Variants in GREM2 observed in about 807,000 individuals in gnomAD.
GREM2 encodes gremlin-2.
In GREM2, 11 loss-of-function variants were observed where a neutral mutation model predicts 14.2. That is an observed-to-expected ratio of 0.78 (90% confidence interval 0.49 to 1.28). The LOEUF is 1.28. Ranked by LOEUF, GREM2 falls within the 50% of genes most tolerant of loss-of-function variation. GREM2 has a pLI of 0.00. For synonymous variants in GREM2, 98 were observed against 97.6 expected, an observed-to-expected ratio of 1.00 and a Z score of -0.02; for missense variants, 210 against 218.5, an observed-to-expected ratio of 0.96 and a Z score of 0.24.
intron 1 of GREM2, among the ~76,000 whole-genome samples, chr1:240,547,764 G>A (rs1678770169): frequency 6.6e-6 from 1 of 151,858 alleles, no homozygotes; most frequent in African/African-American, 2.4e-5. Context: ...GGAAATCTGG[G>A]AACAGAAATA....
chr1:240,532,781 A>G (rs1251671689), intron 1 of GREM2, among the ~76,000 whole-genome samples: 5 of 152,176 alleles, frequency 3.3e-5, no homozygotes, highest in African/African-American at 1.2e-4. Flanking sequence ...GTCTCTATCT[A>G]AATATAGTTA....
chr1:240,611,591 TGAC>T (rs981176192), intron 1 of GREM2, among the ~76,000 whole-genome samples: 1 of 152,112 alleles, frequency 6.6e-6, no homozygotes. Context: ...ATTGGTGGGA[TGAC>T]AACATATTGG....
intron 1 of GREM2, chr1:240,590,633 T>G (rs2102863562): frequency 6.6e-6 from 1 of 152,142 alleles, no homozygotes; most frequent in South Asian, 2.1e-4. Flanking sequence ...TTCACCATGT[T>G]GGGCAGGTGA....
rs34371792 is a variant in GREM2, at chr1:240,510,232, T to A, written c.-1-16756A>T. On this transcript the variant is annotated intron_variant, in intron 1 of 1. Coordinates refer to ENST00000318160, the MANE Select transcript of GREM2 (RefSeq NM_022469.4). ...AAAATACAAAGAAATGAGCCGGGCG[T>A]GGTGGCGGGCGCCTGTAGTCCCAGC... is the stretch of plus-strand genomic sequence containing the variant. Among the ~76,000 whole-genome samples the A allele has an allele frequency of 5.8e-3, 877 of 151,012 alleles. 9 individuals carry two copies. Among genetic ancestry groups the A allele is most frequent in the Non-Finnish European group, 9.5e-3 (644 of 67,740 alleles).
intron 1 of GREM2, among the ~76,000 whole-genome samples, chr1:240,519,815 T>C (rs1430020145): frequency 6.6e-6 from 1 of 152,142 alleles, no homozygotes; most frequent in Non-Finnish European, 1.5e-5. Context: ...GAGCGGTGGC[T>C]CACGCCTGTA....
chr1:240,592,811 A>G (rs1679737308), intron 1 of GREM2, among the ~76,000 whole-genome samples: 1 of 151,994 alleles, frequency 6.6e-6, no homozygotes, highest in Admixed American at 6.6e-5. Flanking sequence ...GAATGTCTCC[A>G]CTTTGCCTCT....
At chr1:240,520,365 C>T (rs1678056640) in intron 1 of GREM2, among the ~76,000 whole-genome samples, 1 of 152,106 alleles carries the variant, frequency 6.6e-6, no homozygotes, top group South Asian at 2.1e-4. Context: ...CAAATAACCA[C>T]CTCAACCTTT....
At chr1:240,565,525 G>A (rs1033457040) in intron 1 of GREM2, among the ~76,000 whole-genome samples, 8 of 152,000 alleles carry the variant, frequency 5.3e-5, no homozygotes, top group Non-Finnish European at 1.2e-4. Context: ...TTGGTCTGTT[G>A]GGTACGATCA....
intron 1 of GREM2, among the ~76,000 whole-genome samples, chr1:240,567,629 A>G (rs1036738052): frequency 1.3e-5 from 2 of 152,222 alleles, no homozygotes; most frequent in African/African-American, 2.4e-5. Context: ...GAATTCATCA[A>G]TAGTAGACTC....
intron 1 of GREM2, among the ~76,000 whole-genome samples, chr1:240,510,368 GCAAAAAAAAAAAA>G (rs1412206993): frequency 6.4e-5 from 1 of 15,574 alleles, no homozygotes; most frequent in African/African-American, 2.4e-4. Flanking sequence ...AGACTCCGTC[GCAAAAAAAAAAAA>G]AAAAAAAAAA....
intron 1 of GREM2, among the ~76,000 whole-genome samples, chr1:240,544,240 T>C (rs1055718104): frequency 5.3e-5 from 8 of 151,290 alleles, no homozygotes; most frequent in Non-Finnish European, 7.4e-5. Flanking sequence ...TTCCGCCTCC[T>C]GGGTTCACGC....
At chr1:240,500,497 G>GT (rs201478777) in intron 1 of GREM2, among the ~76,000 whole-genome samples, 5,005 of 152,054 alleles carry the variant, frequency 0.033, 118 homozygotes, top group South Asian at 0.095. Flanking sequence ...TAGAGACAAG[G>GT]TTTCACCGTG....
intron 1 of GREM2, among the ~76,000 whole-genome samples, chr1:240,498,544 C>T (rs1677485932): frequency 6.6e-6 from 1 of 152,156 alleles, no homozygotes; most frequent in African/African-American, 2.4e-5. Flanking sequence ...CACTGCTGGC[C>T]CTTGGCTGTG....
intron 1 of GREM2, among the ~76,000 whole-genome samples, chr1:240,561,178 G>A (rs1042457474): frequency 6.6e-6 from 1 of 152,056 alleles, no homozygotes; most frequent in Non-Finnish European, 1.5e-5. Context: ...CTTGTGGTTT[G>A]TGAACCACTA....
chr1:240,606,704 G>A (rs556361380), intron 1 of GREM2, among the ~76,000 whole-genome samples: 51 of 146,770 alleles, frequency 3.5e-4, no homozygotes, highest in African/African-American at 1.3e-3. Context: ...TTGAGGTGGA[G>A]TTTCGCTCCT....
chr1:240,605,300 T>C (rs1680003147), intron 1 of GREM2, among the ~76,000 whole-genome samples: 1 of 152,058 alleles, frequency 6.6e-6, no homozygotes, highest in Non-Finnish European at 1.5e-5. Context: ...GAACAAGCAT[T>C]CCAAACATCT....
At chr1:240,509,280 C>A (rs900111110) in intron 1 of GREM2, among the ~76,000 whole-genome samples, 1 of 151,830 alleles carries the variant, frequency 6.6e-6, no homozygotes, top group Non-Finnish European at 1.5e-5. Context: ...GAACCAGGGA[C>A]CTGGCTCACT....
At chr1:240,604,136 G>A (rs1223590687) in intron 1 of GREM2, among the ~76,000 whole-genome samples, 1 of 151,902 alleles carries the variant, frequency 6.6e-6, no homozygotes, top group African/African-American at 2.4e-5. Context: ...AATGCACTGA[G>A]GGAGAACCCA....
chr1:240,511,781 C>T (rs1367198639), intron 1 of GREM2, among the ~76,000 whole-genome samples: 2 of 152,086 alleles, frequency 1.3e-5, no homozygotes, highest in Admixed American at 6.6e-5. Context: ...GGGACTTGAG[C>T]GTCCGTGGAT....
Sources: gnomAD v4.1 joint callset for allele counts (sites outside exome capture counted in the v4.1 genomes callset) on GRCh38, gnomAD v4.1.1 for gene constraint, MANE v1.5 for transcripts, NCBI Gene and HGNC (gene_info 2026-07-23, HGNC 2026-07-21) for gene names.